CADPS2: variants seen among roughly 807,000 people sequenced by gnomAD.
The protein encoded by CADPS2 is calcium dependent secretion activator 2, also known as calcium-dependent secretion activator 2.
A neutral mutation model predicts 172.5 loss-of-function variants in CADPS2; 93 were observed. That is an observed-to-expected ratio of 0.54 (90% CI 0.46 to 0.64). CADPS2 has a LOEUF of 0.64. Among genes scored for constraint, CADPS2 ranks in the 30% least tolerant of loss-of-function variants. CADPS2 has a pLI of 0.00. For synonymous variants in CADPS2, 546 were observed against 555.2 expected, an observed-to-expected ratio of 0.98 and a Z score of 0.23; for missense variants, 1,420 against 1,565.9, an observed-to-expected ratio of 0.91 and a Z score of 1.57.
At chr7:122,649,177 C>G (rs2078875640) in intron 3 of CADPS2, among the ~76,000 whole-genome samples, 1 of 152,010 alleles carries the variant, frequency 6.6e-6, no homozygotes. Context: ...TCCAGCAACA[C>G]ACACCATACC....
At position 122,707,369 on chromosome 7, in the gene CADPS2, G is replaced by GA. The variant is rs200261179; in HGVS notation, c.453+29585dup. ...GAAGGTTATAACTATTATTAAGAGA[G>GA]AAAAAATCAACTAACTGACCTCTAC... On this transcript the variant is annotated intron_variant, in intron 2 of 29. Coordinates refer to ENST00000449022, the MANE Select transcript of CADPS2 (RefSeq NM_017954.11). 3.6e-3 allele frequency among the ~76,000 whole-genome samples: 554 copies of GA among 152,042 alleles called. 2 individuals are homozygous for GA. The highest frequency in any genetic ancestry group is 0.012 in the African/African-American group (516 of 41,502).
intron 1 of CADPS2, among the ~76,000 whole-genome samples, chr7:122,775,744 G>A (rs1420484746): frequency 6.6e-6 from 1 of 152,084 alleles, no homozygotes; most frequent in African/African-American, 2.4e-5. Flanking sequence ...CACCTTCCTG[G>A]ATTGTATTGA....
intron 8 of CADPS2, among the ~76,000 whole-genome samples, chr7:122,525,520 A>C (rs2061159157): frequency 6.7e-6 from 1 of 150,044 alleles, no homozygotes; most frequent in Non-Finnish European, 1.5e-5. Flanking sequence ...GCAGTAAGAT[A>C]CGCTTGCTGT....
chr7:122,647,016 T>C (rs2078635528), intron 3 of CADPS2, among the ~76,000 whole-genome samples: 1 of 152,098 alleles, frequency 6.6e-6, no homozygotes, highest in Non-Finnish European at 1.5e-5. Flanking sequence ...GAATATGACA[T>C]TAATAGAAGA....
chr7:122,603,056 A>G (rs945768042), intron 6 of CADPS2, among the ~76,000 whole-genome samples: 2 of 152,090 alleles, frequency 1.3e-5, no homozygotes, highest in African/African-American at 4.8e-5. Context: ...AGCACAGCAG[A>G]TATAAATCTT....
intron 7 of CADPS2, among the ~76,000 whole-genome samples, chr7:122,559,193 T>C (rs2065403404): frequency 6.6e-6 from 1 of 152,094 alleles, no homozygotes; most frequent in Non-Finnish European, 1.5e-5. Context: ...CTAAGATTTA[T>C]AAGGCTGACA....
chr7:122,746,408 T>C (rs550848254), intron 1 of CADPS2, among the ~76,000 whole-genome samples: 8 of 152,230 alleles, frequency 5.3e-5, no homozygotes, highest in Admixed American at 2.0e-4. Flanking sequence ...CCCCACATTA[T>C]AGATAAGAAA....
intron 2 of CADPS2, among the ~76,000 whole-genome samples, chr7:122,713,270 T>C (rs73220294): frequency 0.038 from 5,607 of 149,210 alleles, 153 homozygotes; most frequent in Non-Finnish European, 0.061. Flanking sequence ...TTTGCAAGTT[T>C]AATTAATTTT....
chr7:122,609,691 T>C (rs967143446), intron 6 of CADPS2, among the ~76,000 whole-genome samples: 3 of 152,220 alleles, frequency 2.0e-5, no homozygotes, highest in Admixed American at 6.5e-5. Context: ...TGTTTCCTCC[T>C]AATTGCTGGC....
chr7:122,440,811 G>A (rs1197531271), intron 16 of CADPS2, among the ~76,000 whole-genome samples: 1 of 152,066 alleles, frequency 6.6e-6, no homozygotes, highest in Non-Finnish European at 1.5e-5. Context: ...GTAAGAAATG[G>A]GAGTTGGCCA....
intron 6 of CADPS2, 106 bp from the exon 7 acceptor site, chr7:122,581,396 A>G (rs778763439): frequency 1.3e-6 from 1 of 781,294 alleles, no homozygotes; most frequent in South Asian, 1.7e-5. Context: ...TTCTGTGCTC[A>G]ATGAGCTTTT....
chr7:122,365,737 C>T (rs1248147011), intron 25 of CADPS2, among the ~76,000 whole-genome samples: 8 of 152,154 alleles, frequency 5.3e-5, no homozygotes, highest in Admixed American at 4.6e-4. Context: ...ATATTTAACA[C>T]CTAAAGTCTG....
intron 6 of CADPS2, among the ~76,000 whole-genome samples, chr7:122,610,977 A>G (rs1399749803): frequency 2.0e-5 from 3 of 152,114 alleles, no homozygotes; most frequent in Admixed American, 6.6e-5. Flanking sequence ...TCTATTTACT[A>G]CAGAAACAAA....
intron 1 of CADPS2, among the ~76,000 whole-genome samples, chr7:122,780,941 T>C (rs1462116230): frequency 2.0e-5 from 3 of 152,224 alleles, no homozygotes; most frequent in Admixed American, 6.5e-5. Context: ...GCTTTTATTC[T>C]ATGGGATTAA....
chr7:122,367,372 A>G (rs905522714), intron 25 of CADPS2, among the ~76,000 whole-genome samples: 3 of 129,132 alleles, frequency 2.3e-5, no homozygotes, highest in African/African-American at 8.8e-5. Flanking sequence ...TTATTTCCTA[A>G]ATCCTTTTTT....
intron 2 of CADPS2, among the ~76,000 whole-genome samples, chr7:122,701,355 C>T (rs187856840): frequency 6.6e-6 from 1 of 152,180 alleles, no homozygotes; most frequent in African/African-American, 2.4e-5. Context: ...AAACCAAACA[C>T]CGCATGTTCT....
At chr7:122,421,514 T>C (rs142927164) in intron 17 of CADPS2, among the ~76,000 whole-genome samples, 50 of 152,336 alleles carry the variant, frequency 3.3e-4, no homozygotes, top group Middle Eastern at 3.4e-3. Context: ...ATTCATTTCT[T>C]CTTTGGTTTT....
At chr7:122,482,279 C>A (rs1025484336) in intron 11 of CADPS2, among the ~76,000 whole-genome samples, 2 of 152,082 alleles carry the variant, frequency 1.3e-5, no homozygotes, top group Non-Finnish European at 2.9e-5. Flanking sequence ...CCAACCGCAA[C>A]CCTACCCTCT....
intron 3 of CADPS2, among the ~76,000 whole-genome samples, chr7:122,651,186 C>T (rs2079112255): frequency 6.6e-6 from 1 of 150,704 alleles, no homozygotes; most frequent in Non-Finnish European, 1.5e-5. Context: ...GTAGAATGTG[C>T]TATTATTTCT....
Sources: gnomAD v4.1 joint callset for allele counts (sites outside exome capture counted in the v4.1 genomes callset) on GRCh38, gnomAD v4.1.1 for gene constraint, MANE v1.5 for transcripts, NCBI Gene and HGNC (gene_info 2026-07-23, HGNC 2026-07-21) for gene names.